Variants in DOK5 observed in about 807,000 individuals in gnomAD.
DOK5 encodes the protein docking protein 5, also known as downstream of tyrosine kinase 5.
In DOK5, 27 loss-of-function variants were observed where a neutral mutation model predicts 43.3. The observed-to-expected ratio is 0.62, with a 90% CI of 0.46 to 0.86. The LOEUF is 0.86. Ranked by LOEUF, DOK5 falls within the 40% of genes least tolerant of loss-of-function variation. The pLI, the probability that DOK5 is intolerant of heterozygous loss-of-function variation, is 0.00. For missense variants in DOK5, 373 were observed against 392.9 expected (o/e 0.95, Z 0.43); for synonymous variants, 146 against 140.1 (o/e 1.04, Z -0.30).
intron 5 of DOK5, among the ~76,000 whole-genome samples, chr20:54,599,422 A>G (rs1332047720): frequency 6.6e-6 from 1 of 152,218 alleles, no homozygotes; most frequent in Non-Finnish European, 1.5e-5. Context: ...ATCAGAAGGG[A>G]GCATTCTCTT....
At chr20:54,619,488 C>T (rs974912376) in intron 6 of DOK5, among the ~76,000 whole-genome samples, 1 of 152,172 alleles carries the variant, frequency 6.6e-6, no homozygotes. Context: ...TTAGACTTTC[C>T]TTCAAGGCGA....
intron 2 of DOK5, among the ~76,000 whole-genome samples, chr20:54,578,921 C>T (rs1443106240): frequency 1.3e-5 from 2 of 152,140 alleles, no homozygotes; most frequent in Admixed American, 6.6e-5. Flanking sequence ...CAGATCATCA[C>T]CCAGTTTCTG....
intron 2 of DOK5, among the ~76,000 whole-genome samples, chr20:54,562,863 C>T (rs1342294217): frequency 6.6e-6 from 1 of 152,108 alleles, no homozygotes; most frequent in Non-Finnish European, 1.5e-5. Context: ...TGAATTGTGA[C>T]CTCCCAAAAA....
chr20:54,612,267 C>T lies in DOK5; in HGVS notation c.735+1744C>T, dbSNP rs116535010. Among the ~76,000 whole-genome samples, 702 of 152,254 alleles carry T rather than the reference C, an allele frequency of 4.6e-3. 3 individuals carry two copies. Among genetic ancestry groups the T allele is most frequent in the African/African-American group, 0.015 (642 of 41,544 alleles). On this transcript the variant is annotated intron_variant, in intron 6 of 7. Coordinates refer to ENST00000262593, the MANE Select transcript of DOK5 (RefSeq NM_018431.5). ...TTGGAAAAGAGCAAGTGCCTGCCCC[C>T]GTGAGCCAGTGCTGACGTAAGCATT... is the stretch of plus-strand genomic sequence containing the variant.
At position 54,489,812 on chromosome 20, in the gene DOK5, C is replaced by T. The variant is rs115878102; in HGVS notation, c.66+13800C>T. On this transcript the variant is annotated intron_variant, in intron 1 of 7. Transcript: ENST00000262593. ...AACAGTGCTATAGACCACCCCTCAT[C>T]ATACCCATTGGAGAGCCTGAAGGTG... Among the ~76,000 whole-genome samples the T allele has an allele frequency of 8.3e-3, 1,268 of 152,278 alleles. 28 individuals are homozygous for T. Among genetic ancestry groups the T allele is most frequent in the African/African-American group, 0.029 (1,207 of 41,560 alleles).
At chr20:54,611,746 G>A (rs1016777114) in intron 6 of DOK5, among the ~76,000 whole-genome samples, 12 of 152,160 alleles carry the variant, frequency 7.9e-5, no homozygotes, top group East Asian at 1.9e-4. Flanking sequence ...AAGGAATTGC[G>A]TTGGCAAGAT....
chr20:54,624,514 G>C (rs1046905953), intron 6 of DOK5, among the ~76,000 whole-genome samples: 3 of 152,126 alleles, frequency 2.0e-5, no homozygotes, highest in Non-Finnish European at 4.4e-5. Context: ...TGTGAGCCAA[G>C]AGAAAAAGAA....
chr20:54,487,012 A>T (rs1981961676), intron 1 of DOK5, among the ~76,000 whole-genome samples: 1 of 152,064 alleles, frequency 6.6e-6, no homozygotes, highest in South Asian at 2.1e-4. Context: ...ATATTTTTGT[A>T]ATATTGGGTT....
Position 54,481,064 on chromosome 20 carries a change from CTATCATCT to C in DOK5, c.66+5053_66+5060del, listed in dbSNP as rs1568746403. On this transcript the variant is annotated intron_variant, in intron 1 of 7. Transcript: ENST00000262593. The stretch of plus-strand genomic sequence containing the variant: ...TATCTATCATCTGTCTATCATCTAT[CTATCATCT>C]ATCTATCTATCATCTACCATCTATC... Among the ~76,000 whole-genome samples the C allele has an allele frequency of 1.2e-3, 161 of 134,426 alleles. 3 individuals carry two copies. Among genetic ancestry groups the C allele is most frequent in the African/African-American group, 4.9e-3 (147 of 30,176 alleles). 88.2% of individuals were successfully genotyped at this position (134,426 alleles called of 152,430 possible). A position where few individuals can be genotyped will look rare whatever the true frequency, so the allele number is the denominator to read the frequency against.
rs115522392 is a variant in DOK5, at chr20:54,504,092, C to T, written c.66+28080C>T. On this transcript the variant is annotated intron_variant, in intron 1 of 7. Coordinates refer to ENST00000262593, the MANE Select transcript of DOK5 (RefSeq NM_018431.5). ...ATGAGTGAGAGTAGTGTGCACTGCC[C>T]TGAGCTTCCAGCGGGGAAGCTCACC... Among the ~76,000 whole-genome samples, 568 of 152,216 alleles carry T rather than the reference C, an allele frequency of 3.7e-3. 6 individuals are homozygous for T. Among genetic ancestry groups the T allele is most frequent in the African/African-American group, 0.013 (543 of 41,538 alleles).
chr20:54,571,415 G>A (rs985756013), intron 2 of DOK5, among the ~76,000 whole-genome samples: 2 of 152,174 alleles, frequency 1.3e-5, no homozygotes, highest in Admixed American at 1.3e-4. Context: ...TTCCATTTGA[G>A]TGGTGCTTCT....
intron 1 of DOK5, among the ~76,000 whole-genome samples, chr20:54,520,102 T>C (rs1983340280): frequency 6.6e-6 from 1 of 152,284 alleles, no homozygotes; most frequent in East Asian, 1.9e-4. Flanking sequence ...CCACAGTTGA[T>C]TGAACCAAAG....
intron 5 of DOK5, among the ~76,000 whole-genome samples, chr20:54,600,141 A>T (rs767525349): frequency 2.5e-4 from 38 of 152,188 alleles, no homozygotes; most frequent in Admixed American, 2.1e-3. Flanking sequence ...GATGCTGAAG[A>T]GGAAGTATTC....
intron 6 of DOK5, among the ~76,000 whole-genome samples, chr20:54,618,693 A>G (rs1480667110): frequency 6.6e-6 from 1 of 152,076 alleles, no homozygotes; most frequent in Non-Finnish European, 1.5e-5. Context: ...TTTCAGAAGC[A>G]TCTATCAATG....
intron 2 of DOK5, 38 bp downstream of exon 2, chr20:54,555,078 T>C: frequency 7.2e-7 from 1 of 1,388,076 alleles, no homozygotes; most frequent in Non-Finnish European, 1.0e-6. Context: ...GTAATCTATT[T>C]ACAGGGAGGC....
At chr20:54,520,113 G>A (rs965148670) in intron 1 of DOK5, among the ~76,000 whole-genome samples, 1 of 152,090 alleles carries the variant, frequency 6.6e-6, no homozygotes, top group African/African-American at 2.4e-5. Context: ...TGAACCAAAG[G>A]CAACTCAGTA....
chr20:54,476,436 C>CGGTG (rs961671217), intron 1 of DOK5, among the ~76,000 whole-genome samples: 2 of 152,130 alleles, frequency 1.3e-5, no homozygotes, highest in African/African-American at 4.8e-5. Flanking sequence ...CACGCATACT[C>CGGTG]GGTGTGAACG....
intron 1 of DOK5, among the ~76,000 whole-genome samples, chr20:54,524,161 G>A (rs2146699454): frequency 6.6e-6 from 1 of 152,266 alleles, no homozygotes; most frequent in Middle Eastern, 3.4e-3. Context: ...AAAGTAGTGT[G>A]GTGGAGGAGG....
intron 4 of DOK5, 54 bp from the exon 5 acceptor site, chr20:54,591,562 T>A (rs1658494278): frequency 2.2e-6 from 3 of 1,369,274 alleles, no homozygotes; most frequent in Non-Finnish European, 2.0e-6. Flanking sequence ...TCCTACAATG[T>A]CTTTGATGTT....
Sources: gnomAD v4.1 joint callset for allele counts (sites outside exome capture counted in the v4.1 genomes callset) on GRCh38, gnomAD v4.1.1 for gene constraint, MANE v1.5 for transcripts, NCBI Gene and HGNC (gene_info 2026-07-23, HGNC 2026-07-21) for gene names.